The following PTPRR variants were observed in gnomAD, a reference collection of about 807,000 sequenced individuals.
PTPRR encodes receptor-type tyrosine-protein phosphatase R.
In PTPRR, 38 loss-of-function variants were observed where a neutral mutation model predicts 77.2. The observed-to-expected ratio is 0.49, with a 90% CI of 0.38 to 0.65. The LOEUF (loss-of-function observed/expected upper bound fraction) is 0.65, where lower values mean the gene tolerates loss of function less well. PTPRR is among the 30% of genes least tolerant of loss of function. The probability of loss-of-function intolerance (pLI) is 0.00; values close to 1 mark genes in which losing one functional copy is unlikely to be tolerated. For missense variants in PTPRR, 744 were observed against 799.2 expected (o/e 0.93, Z 0.83); for synonymous variants, 299 against 283.1 (o/e 1.06, Z -0.57).
intron 10 of PTPRR, among the ~76,000 whole-genome samples, chr12:70,671,643 G>C (rs540549439): frequency 6.6e-6 from 1 of 152,314 alleles, no homozygotes; most frequent in South Asian, 2.1e-4. Context: ...ATCTGAGAAT[G>C]GTAACAACAG....
intron 2 of PTPRR, among the ~76,000 whole-genome samples, chr12:70,819,730 G>C (rs929727895): frequency 9.2e-5 from 14 of 152,178 alleles, no homozygotes; most frequent in African/African-American, 3.4e-4. Flanking sequence ...AGAATACAGA[G>C]ACTCAGAAAG....
chr12:70,844,327 G>C (rs2137062903), intron 2 of PTPRR, among the ~76,000 whole-genome samples: 1 of 152,172 alleles, frequency 6.6e-6, no homozygotes, highest in African/African-American at 2.4e-5. Context: ...GCAAAAGATG[G>C]GTCAAGGGTT....
intron 1 of PTPRR, among the ~76,000 whole-genome samples, chr12:70,895,442 G>A (rs187068082): frequency 4.0e-5 from 6 of 151,234 alleles, no homozygotes; most frequent in East Asian, 1.9e-4. Context: ...AAGTTGAAGC[G>A]CAATTGAAAC....
chr12:70,903,912 G>T (rs1224056518), intron 1 of PTPRR, among the ~76,000 whole-genome samples: 2 of 151,760 alleles, frequency 1.3e-5, no homozygotes, highest in African/African-American at 4.8e-5. Context: ...TTTAAAAATG[G>T]GCTAAAGACT....
chr12:70,672,084 A>G (rs1887248576), intron 10 of PTPRR: 4 of 1,362,638 alleles, frequency 2.9e-6, no homozygotes, highest in Middle Eastern at 3.6e-4. Context: ...ATCAACCTCA[A>G]TGCCTTTGAC....
intron 2 of PTPRR, among the ~76,000 whole-genome samples, chr12:70,805,277 T>TA (rs1229966445): frequency 2.0e-5 from 3 of 151,914 alleles, no homozygotes; most frequent in African/African-American, 4.8e-5. Flanking sequence ...TAGAATTAGT[T>TA]AAAATCAATG....
chr12:70,844,614 A>G (rs1297865108), intron 2 of PTPRR, among the ~76,000 whole-genome samples: 1 of 152,160 alleles, frequency 6.6e-6, no homozygotes, highest in Non-Finnish European at 1.5e-5. Flanking sequence ...CAGTTATGGG[A>G]TGAATAAGTT....
At chr12:70,753,715 C>G (rs1408251326) in intron 5 of PTPRR, among the ~76,000 whole-genome samples, 2 of 152,172 alleles carry the variant, frequency 1.3e-5, no homozygotes, top group Non-Finnish European at 2.9e-5. Context: ...AGGGTATAAT[C>G]ATCTCCTTTT....
intron 2 of PTPRR, among the ~76,000 whole-genome samples, chr12:70,869,012 C>T (rs373604226): frequency 4.2e-5 from 5 of 118,800 alleles, no homozygotes; most frequent in South Asian, 5.6e-4. Context: ...GGAAGGGGAA[C>T]ATCACACTCT....
At chr12:70,818,904 A>C (rs992433538) in intron 2 of PTPRR, among the ~76,000 whole-genome samples, 2 of 152,254 alleles carry the variant, frequency 1.3e-5, no homozygotes, top group Non-Finnish European at 2.9e-5. Context: ...AAAAGTGAAC[A>C]GCCTTATCCA....
chr12:70,737,104 G>T (rs1421243359), intron 6 of PTPRR, among the ~76,000 whole-genome samples: 1 of 152,086 alleles, frequency 6.6e-6, no homozygotes, highest in South Asian at 2.1e-4. Flanking sequence ...AGGAAGTTAT[G>T]CCTCCACCAT....
chr12:70,722,094 G>A (rs1295768665), intron 6 of PTPRR, among the ~76,000 whole-genome samples: 1 of 152,006 alleles, frequency 6.6e-6, no homozygotes, highest in South Asian at 2.1e-4. Flanking sequence ...CCGGCTATGC[G>A]CCCCCCGTGG....
chr12:70,663,136 T>G (rs953812970), intron 10 of PTPRR, among the ~76,000 whole-genome samples: 1 of 152,354 alleles, frequency 6.6e-6, no homozygotes, highest in African/African-American at 2.4e-5. Flanking sequence ...TAATGATCAT[T>G]AATACAACTA....
At chr12:70,704,307 A>G (rs1888538113) in intron 6 of PTPRR, among the ~76,000 whole-genome samples, 1 of 151,998 alleles carries the variant, frequency 6.6e-6, no homozygotes, top group Non-Finnish European at 1.5e-5. Context: ...AGTCTCAGCT[A>G]TTCGGGAGGA....
At chr12:70,906,077 C>G (rs1354181962) in intron 1 of PTPRR, among the ~76,000 whole-genome samples, 2 of 151,734 alleles carry the variant, frequency 1.3e-5, no homozygotes, top group Admixed American at 1.3e-4. Context: ...GGAAAGGTGC[C>G]TATTTAGTAT....
At chr12:70,788,295 T>C (rs1891362876) in intron 2 of PTPRR, among the ~76,000 whole-genome samples, 4 of 152,212 alleles carry the variant, frequency 2.6e-5, no homozygotes. Flanking sequence ...TAACAGAAGA[T>C]ACTGACTAGT....
At chr12:70,818,604 T>C (rs1176799278) in intron 2 of PTPRR, among the ~76,000 whole-genome samples, 1 of 152,212 alleles carries the variant, frequency 6.6e-6, no homozygotes, top group East Asian at 1.9e-4. Flanking sequence ...GAAGTTTCTT[T>C]ATGTCTTACA....
At chr12:70,841,750 T>G (rs1375998804) in intron 2 of PTPRR, among the ~76,000 whole-genome samples, 2 of 152,196 alleles carry the variant, frequency 1.3e-5, no homozygotes, top group Non-Finnish European at 2.9e-5. Flanking sequence ...TAATAGAGAT[T>G]TCTAATACAA....
intron 6 of PTPRR, among the ~76,000 whole-genome samples, chr12:70,718,523 C>T (rs867703154): frequency 6.6e-5 from 10 of 152,224 alleles, no homozygotes; most frequent in Admixed American, 4.6e-4. Flanking sequence ...CCTAGCCTCC[C>T]AAAATGCTGG....
Sources: gnomAD v4.1 joint callset for allele counts (sites outside exome capture counted in the v4.1 genomes callset) on GRCh38, gnomAD v4.1.1 for gene constraint, MANE v1.5 for transcripts, NCBI Gene and HGNC (gene_info 2026-07-23, HGNC 2026-07-21) for gene names.